ACIN1: variants seen among roughly 807,000 people sequenced by gnomAD.
ACIN1 encodes the protein apoptotic chromatin condensation inducer 1.
A neutral mutation model predicts 146.6 loss-of-function variants in ACIN1; 16 were observed. The ratio of observed to expected loss-of-function variants is 0.11; its 90% CI spans 0.07 to 0.17. The LOEUF (loss-of-function observed/expected upper bound fraction) is 0.17, where lower values mean the gene tolerates loss of function less well. ACIN1 is among the 10% of genes least tolerant of loss of function. The pLI is 1.00. For synonymous variants in ACIN1, 569 were observed against 582.7 expected (o/e 0.98, Z 0.34); for missense variants, 1,357 against 1,609.3 (o/e 0.84, Z 2.68).
At chr14:23,078,118 CCT>C (rs1399528533) in intron 8 of ACIN1, 31 bp downstream of exon 8, 3 of 1,596,854 alleles carry the variant, frequency 1.9e-6, no homozygotes, top group South Asian at 1.1e-5. Context: ...CTCATAGTTC[CCT>C]GTTATACCCC....
chr14:23,062,862 G>A (rs2047331384), intron 14 of ACIN1, 67 bp downstream of exon 14: 6 of 1,505,550 alleles, frequency 4.0e-6, no homozygotes, highest in Admixed American at 2.1e-5. Context: ...TGGAACCTAG[G>A]AGGCATAAGC....
upstream of ACIN1, chr14:23,095,321 C>T (rs781354858): frequency 1.2e-4 from 195 of 1,561,478 alleles, no homozygotes; most frequent in Non-Finnish European, 1.3e-4. Flanking sequence ...CGCCCTGCAG[C>T]GCCCCTTTTC....
At position 23,080,253 on chromosome 14, in the gene ACIN1, AGTAAAG is replaced by A; in HGVS notation, c.1076_1081del (p.Pro359_Leu360del). 3.7e-6 allele frequency: 6 copies of A among 1,614,144 alleles called. No individual in the cohort carries two copies. The highest frequency in any genetic ancestry group is 3.4e-6 in the Non-Finnish European group (4 of 1,180,028). On this transcript the variant is annotated inframe_deletion, in exon 6 of 19. Transcript: ENST00000605057. ...TGGTGGAGAAGATGCTTCCTTTGTT[AGTAAAG>A]GTGGAGGAGTCTCCTCCTCGCTGGC...
chr14:23,081,743 G>A lies in ACIN1; in HGVS notation c.525+5C>T. The A allele has an allele frequency of 5.0e-6, 8 of 1,608,816 alleles. No homozygotes were observed. Among genetic ancestry groups the A allele is most frequent in the Non-Finnish European group, 6.8e-6 (8 of 1,177,396 alleles). On this transcript the variant is annotated splice_donor_5th_base_variant and intron_variant, in intron 5 of 18. Coordinates refer to ENST00000605057, the MANE Select transcript of ACIN1 (RefSeq NM_001386863.1). ...AGGTAATGCTTTAGGAGGTATCTGA[G>A]TTACCTGTCTGACCCTAGATGATCG...
rs1246144865 is a variant in ACIN1, at chr14:23,072,013, C to A, written c.2124-2396G>T. Among the ~76,000 whole-genome samples, 2 of 152,124 alleles carry A rather than the reference C, an allele frequency of 1.3e-5. 1 individual carries two copies. Among genetic ancestry groups the A allele is most frequent in the South Asian group, 4.1e-4 (2 of 4,820 alleles). ...TTTTATGTGCCTACCATCCTCTATC[C>A]AGTAATCTAGGCATGGAACACTGAA... On this transcript the variant is annotated intron_variant, in intron 8 of 18. Transcript: ENST00000605057.
In ACIN1 at chr14:23,059,091, T is replaced by G. The variant is rs534700680; in HGVS notation, c.*57A>C. ...GGTGGAGACTGTGCCTATCCCTCTGTGGCCATAACCCCCTGGGGCCGAGTG... is the reference window on the plus strand; with the variant it reads ...GGTGGAGACTGTGCCTATCCCTCTGGGGCCATAACCCCCTGGGGCCGAGTG... On this transcript the variant is annotated 3_prime_UTR_variant, in exon 19 of 19. Coordinates refer to ENST00000605057, the MANE Select transcript of ACIN1 (RefSeq NM_001386863.1). The G allele has an allele frequency of 5.8e-6, 9 of 1,546,042 alleles. No homozygotes were observed. The highest frequency in any genetic ancestry group is 8.0e-6 in the Non-Finnish European group (9 of 1,129,864).
At chr14:23,059,966 T>TG (rs2047223613) in intron 18 of ACIN1, among the ~76,000 whole-genome samples, 1 of 141,284 alleles carries the variant, frequency 7.1e-6, no homozygotes, top group Non-Finnish European at 1.5e-5. Context: ...GTTTTTTTTT[T>TG]TTTTTTTTTT....
intron 8 of ACIN1, among the ~76,000 whole-genome samples, chr14:23,072,136 C>A (rs2047676497): frequency 1.3e-5 from 2 of 152,130 alleles, no homozygotes; most frequent in African/African-American, 4.8e-5. Flanking sequence ...CGGCAATGAC[C>A]ACGTGTTACT....
chr14:23,094,699 G>C (rs1334263258), intron 1 of ACIN1: 2 of 663,734 alleles, frequency 3.0e-6, no homozygotes, highest in Admixed American at 3.7e-5. Flanking sequence ...TACAAACAAG[G>C]AGGGGGTGGG....
intron 12 of ACIN1, among the ~76,000 whole-genome samples, 196 bp from the exon 13 acceptor site, chr14:23,063,773 G>A (rs1185117282): frequency 6.6e-6 from 1 of 152,220 alleles, no homozygotes; most frequent in East Asian, 1.9e-4. Context: ...AACTAAGACA[G>A]GAGTTAGTAA....
In ACIN1 at chr14:23,080,233, G is replaced by C. The variant is rs1400969986; in HGVS notation, c.1102C>G (p.Pro368Ala). ...PPLLTKEASS[P>A]PPHPQLHSEE... ...CTATGGAGCTGTGGATGAGGTGGTG[G>C]AGAAGATGCTTCCTTTGTTAGTAAA... The change falls in exon 6 of 19, where the codon CCA becomes GCA. Residue 368 changes from proline to alanine, a missense_variant. By Grantham distance (27) the Pro-to-Ala change is conservative. Around this residue, in one of 4 missense-constraint regions of ACIN1, gnomAD observed 771 missense variants for 746.6 expected, o/e 1.03. Transcript: ENST00000605057. The C allele has an allele frequency of 1.2e-6, 2 of 1,613,730 alleles. No individual in the cohort carries two copies. Among genetic ancestry groups the C allele is most frequent in the Non-Finnish European group, 1.7e-6 (2 of 1,179,700 alleles).
intron 1 of ACIN1, chr14:23,094,704 G>A: frequency 1.5e-6 from 1 of 657,252 alleles, no homozygotes; most frequent in Non-Finnish European, 2.4e-6. Context: ...ACAAGGAGGG[G>A]GTGGGGGAAG....
At position 23,080,168 on chromosome 14, in the gene ACIN1, A is replaced by AG. The variant is rs748065675; in HGVS notation, c.1166dup (p.Val390CysfsTer9). ...TAGGAGGAGATAACTGAATGAGGAC[A>AG]GCGGGGGCTGGGCCTTCCATGGGCT... On this transcript the variant is annotated frameshift_variant, in exon 6 of 19. Transcript: ENST00000605057. LOFTEE classifies it high-confidence loss of function. 6.2e-7 allele frequency: 1 copy of AG among 1,613,958 alleles called. No homozygotes were observed.
intron 1 of ACIN1, among the ~76,000 whole-genome samples, chr14:23,094,104 C>CCACACAAACACACT (rs1555375767): frequency 1.3e-5 from 2 of 150,760 alleles, no homozygotes; most frequent in Non-Finnish European, 3.0e-5. Flanking sequence ...CCTAGTCTAT[C>CCACACAAACACACT]CACACAAACA....
intron 8 of ACIN1, chr14:23,071,537 A>C: frequency 6.4e-7 from 1 of 1,551,134 alleles, no homozygotes; most frequent in Non-Finnish European, 8.7e-7. Context: ...GATCAGCCGG[A>C]GACATGCAGG....
intron 8 of ACIN1, 126 bp from the exon 9 acceptor site, chr14:23,069,743 C>G (rs934884258): frequency 1.2e-6 from 1 of 815,854 alleles, no homozygotes; most frequent in Non-Finnish European, 1.9e-6. Flanking sequence ...ATTAGGAGGG[C>G]TGCTTTTCTG....
rs754216288 is a variant in ACIN1, at chr14:23,078,821, C to T, written c.2006G>A (p.Arg669Gln). The change falls in exon 7 of 19, where the codon CGG becomes CAG. Residue 669 changes from arginine to glutamine, a missense_variant and splice_region_variant. Around this residue, in one of 4 missense-constraint regions of ACIN1, gnomAD observed 771 missense variants for 746.6 expected, o/e 1.03. Transcript: ENST00000605057. Reference sequence around the variant, plus strand: ...TAGGGAGGGGTCACAATAGCCTACCCGCTCAGGCTGTAACCTCTGGGTCAC... The same window carrying T: ...TAGGGAGGGGTCACAATAGCCTACCTGCTCAGGCTGTAACCTCTGGGTCAC... The part of the protein sequence containing the change: ...KHVTQRLQPE[R>Q]GSPKKCEAEE... The T allele has an allele frequency of 3.6e-5, 58 of 1,611,946 alleles. No homozygotes were observed. The highest frequency in any genetic ancestry group is 2.1e-4 in the Middle Eastern group (1 of 4,694).
At chr14:23,075,323 CTT>C (rs11423392) in intron 8 of ACIN1, among the ~76,000 whole-genome samples, 98 of 133,288 alleles carry the variant, frequency 7.4e-4, no homozygotes, top group African/African-American at 1.2e-3. Context: ...CTTTCTTCCC[CTT>C]TTTTTTTTTT....
chr14:23,069,202 G>A, intron 9 of ACIN1: 1 of 1,151,614 alleles, frequency 8.7e-7, no homozygotes, highest in Non-Finnish European at 1.1e-6. Context: ...TTAGATAAAG[G>A]GCCATTATCA....
Sources: gnomAD v4.1 joint callset for allele counts (sites outside exome capture counted in the v4.1 genomes callset) on GRCh38, gnomAD v4.1.1 for gene constraint, gnomAD v4.1.1 regional missense constraint, MANE v1.5 for transcripts, NCBI Gene and HGNC (gene_info 2026-07-23, HGNC 2026-07-21) for gene names.